Variants in ZDHHC17 observed in about 807,000 individuals in gnomAD.
The protein encoded by ZDHHC17 is zDHHC palmitoyltransferase 17.
In ZDHHC17, 40 loss-of-function variants were observed where a neutral mutation model predicts 90.3. The ratio of observed to expected loss-of-function variants is 0.44; its 90% CI spans 0.34 to 0.58. The LOEUF is 0.58. ZDHHC17 is among the 20% of genes least tolerant of loss of function. The probability of loss-of-function intolerance (pLI) is 0.01; values close to 1 mark genes in which losing one functional copy is unlikely to be tolerated. For missense variants in ZDHHC17, 614 were observed against 780.8 expected, an observed-to-expected ratio of 0.79 and a Z score of 2.55; for synonymous variants, 235 against 252.4, an observed-to-expected ratio of 0.93 and a Z score of 0.65.
Position 76,851,077 on chromosome 12 carries a change from ACAAGAG to A in ZDHHC17, c.*95_*100del, listed in dbSNP as rs1953561938. 7 of 1,518,392 alleles carry A rather than the reference ACAAGAG, an allele frequency of 4.6e-6. No homozygotes were observed. The highest frequency in any genetic ancestry group is 6.3e-6 in the Non-Finnish European group (7 of 1,113,716). 94.1% of individuals were successfully genotyped at this position (1,518,392 alleles called of 1,614,324 possible). A position where few individuals can be genotyped will look rare whatever the true frequency, so the allele number is the denominator to read the frequency against. On this transcript the variant is annotated 3_prime_UTR_variant, in exon 17 of 17. Transcript: ENST00000426126. ...TCACACTCGAATCCACATCCTTTGA[ACAAGAG>A]CATGCTATGTGTAGGGCTAATGGTG...
intron 1 of ZDHHC17, among the ~76,000 whole-genome samples, chr12:76,783,946 T>C (rs544474566): frequency 6.6e-6 from 1 of 152,322 alleles, no homozygotes; most frequent in African/African-American, 2.4e-5. Context: ...AGGAACAGAT[T>C]CTCCCCTAGA....
chr12:76,816,492 A>T (rs1464999723), intron 7 of ZDHHC17, among the ~76,000 whole-genome samples: 1 of 152,056 alleles, frequency 6.6e-6, no homozygotes, highest in East Asian at 1.9e-4. Flanking sequence ...AATTACTTTA[A>T]ACATCATCTT....
At chr12:76,828,886 A>G (rs1370432558) in intron 10 of ZDHHC17, among the ~76,000 whole-genome samples, 1 of 152,158 alleles carries the variant, frequency 6.6e-6, no homozygotes, top group African/African-American at 2.4e-5. Context: ...GAAAAGAACA[A>G]GCATCCTCAT....
At chr12:76,772,025 G>A (rs1952498601) in intron 1 of ZDHHC17, among the ~76,000 whole-genome samples, 1 of 152,186 alleles carries the variant, frequency 6.6e-6, no homozygotes, top group South Asian at 2.1e-4. Context: ...CATGTAGCCG[G>A]GACATAGATG....
Position 76,801,515 on chromosome 12 carries a change from A to G in ZDHHC17, c.198-3802A>G, listed in dbSNP as rs532474993. Reference sequence around the variant, plus strand: ...GAAAATACAAAAAAATTAGCCGGGCATGGTGGTGGGTGCCTGTAGTCCCAG... The same window carrying G: ...GAAAATACAAAAAAATTAGCCGGGCGTGGTGGTGGGTGCCTGTAGTCCCAG... On this transcript the variant is annotated intron_variant, in intron 2 of 16. Transcript: ENST00000426126. Among the ~76,000 whole-genome samples the G allele has an allele frequency of 2.4e-4, 37 of 152,000 alleles. No homozygotes were observed. The South Asian group carries it at 7.5e-3, about 31-fold the overall frequency.
chr12:76,805,759 A>G (rs954155551), intron 3 of ZDHHC17, among the ~76,000 whole-genome samples: 1 of 152,198 alleles, frequency 6.6e-6, no homozygotes, highest in African/African-American at 2.4e-5. Flanking sequence ...TAAATATACT[A>G]CCCAGTGACC....
At chr12:76,846,487 G>A (rs1953496503) in intron 13 of ZDHHC17, 109 bp from the exon 14 acceptor site, 2 of 725,982 alleles carry the variant, frequency 2.8e-6, no homozygotes, top group Admixed American at 2.9e-5. Flanking sequence ...GAATGTATGT[G>A]TGATTATCAT....
At chr12:76,768,057 C>G (rs1405063803) in intron 1 of ZDHHC17, among the ~76,000 whole-genome samples, 4 of 152,118 alleles carry the variant, frequency 2.6e-5, no homozygotes, top group Non-Finnish European at 5.9e-5. Context: ...ATTAACTAGG[C>G]TAATGTTTAT....
intron 16 of ZDHHC17, 197 bp downstream of exon 16, chr12:76,849,667 C>A: frequency 2.6e-6 from 1 of 387,624 alleles, no homozygotes. Context: ...GTGATATCTC[C>A]TTATATTTTT....
At chr12:76,785,652 A>G (rs1030042847) in intron 1 of ZDHHC17, among the ~76,000 whole-genome samples, 4 of 152,190 alleles carry the variant, frequency 2.6e-5, no homozygotes, top group Non-Finnish European at 5.9e-5. Context: ...TGGGACAGGG[A>G]AGGCTATGGT....
At chr12:76,806,443 C>T (rs1393298844) in intron 3 of ZDHHC17, among the ~76,000 whole-genome samples, 1 of 151,820 alleles carries the variant, frequency 6.6e-6, no homozygotes, top group African/African-American at 2.4e-5. Flanking sequence ...TAGTAAATGA[C>T]GTATAGAGTG....
At chr12:76,778,359 A>G (rs1952584307) in intron 1 of ZDHHC17, among the ~76,000 whole-genome samples, 1 of 152,164 alleles carries the variant, frequency 6.6e-6, no homozygotes. Flanking sequence ...AGCTGGGACT[A>G]CAGGCATGCA....
intron 10 of ZDHHC17, among the ~76,000 whole-genome samples, chr12:76,830,641 A>G (rs985071364): frequency 2.0e-5 from 3 of 152,186 alleles, no homozygotes; most frequent in Non-Finnish European, 4.4e-5. Flanking sequence ...AGCTTACAAT[A>G]AGCATTGACC....
At chr12:76,829,146 G>A (rs959246439) in intron 10 of ZDHHC17, among the ~76,000 whole-genome samples, 4 of 152,066 alleles carry the variant, frequency 2.6e-5, no homozygotes, top group Non-Finnish European at 5.9e-5. Context: ...ACAGTATGGC[G>A]ATTTCTCAAA....
chr12:76,846,650 TC>T lies in ZDHHC17; in HGVS notation c.1479del (p.Cys494AlafsTer3). 1 of 1,611,826 alleles carries T rather than the reference TC, an allele frequency of 6.2e-7. No homozygotes were observed. Among genetic ancestry groups the T allele is most frequent in the Non-Finnish European group, 8.5e-7 (1 of 1,178,646 alleles). On this transcript the variant is annotated frameshift_variant, in exon 14 of 17. Coordinates refer to ENST00000426126, the MANE Select transcript of ZDHHC17 (RefSeq NM_015336.4). LOFTEE classifies it high-confidence loss of function. The stretch of plus-strand genomic sequence containing the variant: ...TACCTATTCTTCTTGCTTTTTATGA[TC>T]TGCTGGATGATTTATGGTTGTATAT... ...MGYLFFLLFMICWMIYGCISY... is the reference protein window; with the variant it reads ...MGYLFFLLFMXCWMIYGCISY...
At chr12:76,792,567 A>G (rs544451638) in intron 1 of ZDHHC17, among the ~76,000 whole-genome samples, 8 of 152,144 alleles carry the variant, frequency 5.3e-5, no homozygotes, top group South Asian at 2.1e-4. Flanking sequence ...ATTCCTGTCT[A>G]CTATTCCTGT....
At chr12:76,805,557 A>G (rs1354318314) in intron 3 of ZDHHC17, 118 bp downstream of exon 3, 1 of 941,108 alleles carries the variant, frequency 1.1e-6, no homozygotes, top group African/African-American at 1.7e-5. Context: ...TAGAAGATAG[A>G]TTCTGTGTAC....
chr12:76,809,252 G>T, intron 4 of ZDHHC17, 132 bp downstream of exon 4: 1 of 553,162 alleles, frequency 1.8e-6, no homozygotes. Context: ...TAAATATGCT[G>T]ATGTTTTATT....
intron 2 of ZDHHC17, among the ~76,000 whole-genome samples, chr12:76,804,577 G>A (rs1316494526): frequency 6.6e-6 from 1 of 152,214 alleles, no homozygotes; most frequent in Non-Finnish European, 1.5e-5. Context: ...TGAACAGAAT[G>A]TAGAGGAGGG....
Sources: allele counts gnomAD v4.1 joint callset (sites outside exome capture counted in the v4.1 genomes callset), GRCh38; gene constraint gnomAD v4.1.1; transcripts MANE v1.5; gene names NCBI Gene and HGNC (gene_info 2026-07-23, HGNC 2026-07-21).